The following WWP1 variants were observed in gnomAD, a reference collection of about 807,000 sequenced individuals.
WWP1 encodes WW domain containing E3 ubiquitin protein ligase 1, also known as NEDD4-like E3 ubiquitin-protein ligase WWP1.
WWP1 carries 49 observed loss-of-function variants against 130.6 expected under a neutral mutation model. That is an observed-to-expected ratio of 0.38 (90% CI 0.30 to 0.48). WWP1 has a LOEUF of 0.48. Ranked by LOEUF, WWP1 falls within the 20% of genes least tolerant of loss-of-function variation. WWP1 has a pLI of 0.99. For synonymous variants in WWP1, 332 were observed against 367.8 expected (o/e 0.90, Z 1.11); for missense variants, 809 against 1,100.6 (o/e 0.74, Z 3.75).
At position 86,411,760 on chromosome 8, in the gene WWP1, C is replaced by A. The variant is rs779787218; in HGVS notation, c.947C>A (p.Ser316Tyr). 1 of 1,614,058 alleles carries A rather than the reference C, an allele frequency of 6.2e-7. No homozygotes were observed. The highest frequency in any genetic ancestry group is 2.2e-5 in the East Asian group (1 of 44,888). ...EARSILEPDT[S>Y]NSRSSSAFEA... Reference sequence around the variant, plus strand: ...AGAAGTATATTAGAGCCTGACACCTCTAATTCTAGAAGTAGTTCTGCTTTT... The same window carrying A: ...AGAAGTATATTAGAGCCTGACACCTATAATTCTAGAAGTAGTTCTGCTTTT... Residue 316 changes from serine (S) to tyrosine (Y), a missense_variant, in exon 9 of 25, where the codon TCT (serine) becomes TAT (tyrosine). Transcript: ENST00000517970.
At chr8:86,437,688 C>A (rs1453652803) in intron 16 of WWP1, among the ~76,000 whole-genome samples, 2 of 152,118 alleles carry the variant, frequency 1.3e-5, no homozygotes, top group African/African-American at 4.8e-5. Context: ...TTGACTACCC[C>A]AAAACTGAAT....
chr8:86,452,061 C>CATAT lies in WWP1; in HGVS notation c.2274-497_2274-494dup, dbSNP rs538955957. 2.4e-3 allele frequency among the ~76,000 whole-genome samples: 366 copies of CATAT among 152,264 alleles called. 1 individual carries two copies. The highest frequency in any genetic ancestry group is 4.6e-3 in the Non-Finnish European group (312 of 68,008). On this transcript the variant is annotated intron_variant, in intron 20 of 24. Coordinates refer to ENST00000517970, the MANE Select transcript of WWP1 (RefSeq NM_007013.4). Reference sequence around the variant, plus strand: ...CCTACACCAGCACATGGCCTGTGAACATATGGTCATTACATACTGAGACAA... The same window carrying CATAT: ...CCTACACCAGCACATGGCCTGTGAACATATATATGGTCATTACATACTGAGACAA...
chr8:86,366,946 G>A (rs1824009797), intron 1 of WWP1, among the ~76,000 whole-genome samples: 1 of 152,102 alleles, frequency 6.6e-6, no homozygotes, highest in South Asian at 2.1e-4. Context: ...ACATTTTAAT[G>A]AAATATTTAT....
chr8:86,390,792 T>C lies in WWP1; in HGVS notation c.335-7550T>C, dbSNP rs190672515. On this transcript the variant is annotated intron_variant, in intron 5 of 24. Coordinates refer to ENST00000517970, the MANE Select transcript of WWP1 (RefSeq NM_007013.4). ...GTGGTTTCTGACCACTCCCCCATTC[T>C]ACCATAGTAGGAACCCAATAGTCTA... is the stretch of plus-strand genomic sequence containing the variant. 3.9e-3 allele frequency among the ~76,000 whole-genome samples: 594 copies of C among 152,256 alleles called. 1 individual carries two copies. The highest frequency in any genetic ancestry group is 5.7e-3 in the Non-Finnish European group (391 of 68,010).
chr8:86,452,950 T>G (rs1304336993), intron 21 of WWP1, among the ~76,000 whole-genome samples: 3 of 152,194 alleles, frequency 2.0e-5, no homozygotes, highest in Non-Finnish European at 4.4e-5. Context: ...TATTAATAAT[T>G]CTGAAATTTC....
chr8:86,457,853 A>G, intron 21 of WWP1, 68 bp from the exon 22 acceptor site: 1 of 1,471,702 alleles, frequency 6.8e-7, no homozygotes, highest in Admixed American at 1.7e-5. Context: ...GCATTAGGAA[A>G]TTTCAGTCAT....
chr8:86,423,309 G>C lies in WWP1; in HGVS notation c.1062-1914G>C, dbSNP rs536942293. 3.1e-3 allele frequency among the ~76,000 whole-genome samples: 479 copies of C among 152,128 alleles called. 4 individuals carry two copies. The highest frequency in any genetic ancestry group is 0.011 in the African/African-American group (464 of 41,488). On this transcript the variant is annotated intron_variant, in intron 9 of 24. Coordinates refer to ENST00000517970, the MANE Select transcript of WWP1 (RefSeq NM_007013.4). Reference sequence around the variant, plus strand: ...CAGGGTCACAGGACAATAGTGGAGGGAAGGTCAGCAGATAAACAAGTGAAC... The same window carrying C: ...CAGGGTCACAGGACAATAGTGGAGGCAAGGTCAGCAGATAAACAAGTGAAC...
chr8:86,390,184 AG>A (rs1266115896), intron 5 of WWP1, among the ~76,000 whole-genome samples: 1 of 149,276 alleles, frequency 6.7e-6, no homozygotes, highest in African/African-American at 2.5e-5. Flanking sequence ...GATGGCGGCC[AG>A]GAAGAGGCGC....
At chr8:86,354,384 A>G (rs951947518) in intron 1 of WWP1, among the ~76,000 whole-genome samples, 1 of 152,202 alleles carries the variant, frequency 6.6e-6, no homozygotes, top group Non-Finnish European at 1.5e-5. Flanking sequence ...GTGGATAAGT[A>G]AGGTTAATAA....
intron 1 of WWP1, among the ~76,000 whole-genome samples, chr8:86,367,497 A>T (rs542544542): frequency 6.6e-6 from 1 of 152,328 alleles, no homozygotes; most frequent in East Asian, 1.9e-4. Flanking sequence ...TGATAGATCT[A>T]TAACCTAAGA....
intron 9 of WWP1, among the ~76,000 whole-genome samples, chr8:86,422,280 A>G (rs1281888533): frequency 6.6e-6 from 1 of 151,766 alleles, no homozygotes; most frequent in Non-Finnish European, 1.5e-5. Flanking sequence ...TGTATTTTAA[A>G]ATTGAAAACT....
intron 8 of WWP1, among the ~76,000 whole-genome samples, chr8:86,406,541 C>T (rs1470686696): frequency 2.0e-5 from 3 of 152,100 alleles, no homozygotes; most frequent in Non-Finnish European, 4.4e-5. Context: ...GTCCCATGCA[C>T]CCTTCACCAG....
Position 86,435,528 on chromosome 8 carries a change from G to C in WWP1, c.1677+1G>C. 1 of 1,614,046 alleles carries C rather than the reference G, an allele frequency of 6.2e-7. No homozygotes were observed. The highest frequency in any genetic ancestry group is 8.5e-7 in the Non-Finnish European group (1 of 1,179,984). On this transcript the variant is annotated splice_donor_variant, in intron 15 of 24. Coordinates refer to ENST00000517970, the MANE Select transcript of WWP1 (RefSeq NM_007013.4). LOFTEE classifies it high-confidence loss of function. Reference sequence around the variant, plus strand: ...TGCTCACTTCCGTTATTTGTGCCAGGTACTATAGTGGTAAATAAATCTTAT... The same window carrying C: ...TGCTCACTTCCGTTATTTGTGCCAGCTACTATAGTGGTAAATAAATCTTAT...
chr8:86,447,502 A>G (rs1458935031), intron 18 of WWP1, among the ~76,000 whole-genome samples: 1 of 152,038 alleles, frequency 6.6e-6, no homozygotes. Flanking sequence ...TTCTAACCTC[A>G]TGATCCACCC....
At chr8:86,384,245 G>T (rs191762280) in intron 5 of WWP1, among the ~76,000 whole-genome samples, 11 of 152,062 alleles carry the variant, frequency 7.2e-5, no homozygotes, top group African/African-American at 2.7e-4. Flanking sequence ...TTCAACATAC[G>T]AATTTGGTGG....
Position 86,452,545 on chromosome 8 carries a change from A to T in WWP1, c.2274-14A>T. 1 of 1,587,530 alleles carries T rather than the reference A, an allele frequency of 6.3e-7. No homozygotes were observed. Among genetic ancestry groups the T allele is most frequent in the Non-Finnish European group, 8.6e-7 (1 of 1,169,064 alleles). On this transcript the variant is annotated splice_polypyrimidine_tract_variant and intron_variant, in intron 20 of 24. Coordinates refer to ENST00000517970, the MANE Select transcript of WWP1 (RefSeq NM_007013.4). ...TATAAATTACCTATTTTTAAATACC[A>T]TCTTTATTTTCAGTTTAATGACAGA...
intron 9 of WWP1, among the ~76,000 whole-genome samples, chr8:86,423,773 G>T (rs1304550226): frequency 6.7e-6 from 1 of 149,282 alleles, no homozygotes; most frequent in Non-Finnish European, 1.5e-5. Context: ...CGGGCAGAGG[G>T]GCTCCTCACT....
At chr8:86,423,290 C>T (rs1159039703) in intron 9 of WWP1, among the ~76,000 whole-genome samples, 1 of 151,708 alleles carries the variant, frequency 6.6e-6, no homozygotes, top group Non-Finnish European at 1.5e-5. Context: ...TTGGCAGGGT[C>T]ACAGGACAAT....
At chr8:86,381,885 T>C (rs997921406) in intron 5 of WWP1, among the ~76,000 whole-genome samples, 2 of 152,216 alleles carry the variant, frequency 1.3e-5, no homozygotes, top group Admixed American at 1.3e-4. Flanking sequence ...ATTTATTATT[T>C]GCTTATTATT....
Sources: allele counts gnomAD v4.1 joint callset (sites outside exome capture counted in the v4.1 genomes callset), GRCh38; gene constraint gnomAD v4.1.1; transcripts MANE v1.5; gene names NCBI Gene and HGNC (gene_info 2026-07-23, HGNC 2026-07-21).